Variants in FBXO34 observed in about 807,000 individuals in gnomAD.
FBXO34 encodes F-box only protein 34.
Under a neutral mutation model 24.5 loss-of-function variants are expected in FBXO34, and 12 were observed. The ratio of observed to expected loss-of-function variants is 0.49; its 90% confidence interval spans 0.31 to 0.79. FBXO34 has a LOEUF of 0.79. Ranked by LOEUF, FBXO34 falls within the 30% of genes least tolerant of loss-of-function variation. FBXO34 has a pLI of 0.04. For synonymous variants in FBXO34, 320 were observed against 311.9 expected, an observed-to-expected ratio of 1.03 and a Z score of -0.27; for missense variants, 823 against 857.7, an observed-to-expected ratio of 0.96 and a Z score of 0.51.
chr14:55,428,954 G>T, the FBXO34 span: 1 of 1,614,126 alleles, frequency 6.2e-7, no homozygotes, highest in Non-Finnish European at 8.5e-7. Context: ...TTTTCTTGCT[G>T]CAAGTCGAGA....
rs772815143 is a variant in FBXO34, at chr14:55,352,398, C to T, written c.2008C>T (p.Arg670Trp). The T allele has an allele frequency of 3.1e-6, 5 of 1,614,198 alleles. No individual in the cohort carries two copies. Among genetic ancestry groups the T allele is most frequent in the South Asian group, 1.1e-5 (1 of 91,084 alleles). The change falls in exon 2 of 2, where the codon CGG becomes TGG. Residue 670 changes from arginine to tryptophan, a missense_variant. Around this residue, in one of 2 missense-constraint regions of FBXO34, gnomAD observed 130 missense variants for 198.6 expected, o/e 0.65. Coordinates refer to ENST00000313833, the MANE Select transcript of FBXO34 (RefSeq NM_017943.4). ...GCCAGGGTATTGGATGTGCTGCCAC[C>T]GGTCTCAGAAAGGATTCCCTGGCTG... The part of the protein sequence containing the change: ...YGPGYWMCCH[R>W]SQKGFPGCKL...
the FBXO34 span, among the ~76,000 whole-genome samples, chr14:55,411,383 T>A: frequency 6.6e-6 from 1 of 152,146 alleles, no homozygotes; most frequent in Non-Finnish European, 1.5e-5. Context: ...AAACTCCTCT[T>A]GGGTGGGTGA....
At chr14:55,345,026 G>C (rs1232855894) in intron 1 of FBXO34, among the ~76,000 whole-genome samples, 1 of 152,180 alleles carries the variant, frequency 6.6e-6, no homozygotes, top group Non-Finnish European at 1.5e-5. Flanking sequence ...GCTGGGTGTG[G>C]TGACTCACTC....
At chr14:55,276,575 G>A (rs890575879) in intron 1 of FBXO34, among the ~76,000 whole-genome samples, 8 of 152,182 alleles carry the variant, frequency 5.3e-5, no homozygotes, top group Non-Finnish European at 1.2e-4. Context: ...GACGGCTAAC[G>A]CTCAAAATTC....
At chr14:55,301,403 C>G (rs1172097850) in intron 1 of FBXO34, among the ~76,000 whole-genome samples, 2 of 151,426 alleles carry the variant, frequency 1.3e-5, no homozygotes, top group Non-Finnish European at 2.9e-5. Flanking sequence ...TGCCACTGCA[C>G]TCTAGCCTGG....
the FBXO34 span, among the ~76,000 whole-genome samples, chr14:55,408,270 T>C: frequency 1.3e-5 from 2 of 151,760 alleles, no homozygotes; most frequent in Non-Finnish European, 2.9e-5. Context: ...CTGGGCAACA[T>C]GGCAAAACCC....
downstream of FBXO34, chr14:55,368,770 A>T (rs566233548): frequency 3.9e-5 from 6 of 152,336 alleles, no homozygotes; most frequent in African/African-American, 1.4e-4. Context: ...GCAGGCATTG[A>T]GCTTACATAA....
chr14:55,400,447 C>T, the FBXO34 span, among the ~76,000 whole-genome samples: 4 of 152,228 alleles, frequency 2.6e-5, no homozygotes, highest in South Asian at 2.1e-4. Flanking sequence ...AATAGGTACA[C>T]GGCATTTCAC....
intron 1 of FBXO34, among the ~76,000 whole-genome samples, chr14:55,294,923 A>G (rs1882068655): frequency 6.6e-6 from 1 of 152,242 alleles, no homozygotes; most frequent in Admixed American, 6.5e-5. Flanking sequence ...TTAACCTACC[A>G]AATATCATAG....
At chr14:55,376,025 G>A in the FBXO34 span, among the ~76,000 whole-genome samples, 25 of 152,230 alleles carry the variant, frequency 1.6e-4, 1 homozygote, top group African/African-American at 5.3e-4. Context: ...CTATCAGGTC[G>A]ATCTTATGTT....
the FBXO34 span, chr14:55,380,794 C>T: frequency 1.1e-4 from 61 of 579,618 alleles, no homozygotes; most frequent in Non-Finnish European, 1.6e-4. Flanking sequence ...AGCACTGTTA[C>T]GTTTTAGTGC....
At chr14:55,380,876 T>TATATATATATA in the FBXO34 span, among the ~76,000 whole-genome samples, 516 of 83,870 alleles carry the variant, frequency 6.2e-3, 1 homozygote, top group African/African-American at 0.026. Context: ...TATATATATA[T>TATATATATATA]TTTTTTTTTT....
intron 1 of FBXO34, among the ~76,000 whole-genome samples, chr14:55,300,838 G>C (rs1260598931): frequency 6.6e-6 from 1 of 152,144 alleles, no homozygotes; most frequent in African/African-American, 2.4e-5. Flanking sequence ...TCCCCAGAAG[G>C]AATTATTCTG....
At chr14:55,438,521 T>A in the FBXO34 span, among the ~76,000 whole-genome samples, 1 of 152,140 alleles carries the variant, frequency 6.6e-6, no homozygotes, top group Non-Finnish European at 1.5e-5. Flanking sequence ...TCCCGCAATT[T>A]ACGCTAAAGC....
At chr14:55,414,375 A>AT in the FBXO34 span, 4 of 1,593,410 alleles carry the variant, frequency 2.5e-6, no homozygotes, top group Admixed American at 7.1e-5. Flanking sequence ...GCTGAATGAT[A>AT]TGCTCAGGCT....
the FBXO34 span, chr14:55,436,796 A>G: frequency 1.2e-6 from 2 of 1,614,170 alleles, no homozygotes; most frequent in Admixed American, 3.3e-5. Context: ...TGGCTTTCAG[A>G]ATTTTCTTCA....
chr14:55,363,898 A>C (rs981719986), downstream of FBXO34, among the ~76,000 whole-genome samples: 5 of 151,660 alleles, frequency 3.3e-5, no homozygotes, highest in Admixed American at 3.3e-4. Context: ...AACTCGCTCT[A>C]GCCCATTTTC....
At chr14:55,369,650 G>A, downstream of FBXO34, 4 of 1,543,404 alleles carry the variant, frequency 2.6e-6, no homozygotes, top group Non-Finnish European at 3.5e-6. Flanking sequence ...TTTAAACCAG[G>A]AGGTCACCGA....
chr14:55,285,227 G>T (rs1881717366), intron 1 of FBXO34: 1 of 150,092 alleles, frequency 6.7e-6, no homozygotes, highest in Non-Finnish European at 1.5e-5. Flanking sequence ...TACAAAATTA[G>T]CCAGGCGTGG....
Sources: allele counts gnomAD v4.1 joint callset (sites outside exome capture counted in the v4.1 genomes callset), GRCh38; gene constraint gnomAD v4.1.1; regional missense constraint gnomAD v4.1.1; transcripts MANE v1.5; gene names NCBI Gene and HGNC (gene_info 2026-07-23, HGNC 2026-07-21).